DCDC2: variants seen among roughly 807,000 people sequenced by gnomAD.
DCDC2 encodes doublecortin domain-containing protein 2.
A neutral mutation model predicts 50.2 loss-of-function variants in DCDC2; 40 were observed. The ratio of observed to expected loss-of-function variants is 0.80; its 90% confidence interval spans 0.62 to 1.04. The LOEUF (loss-of-function observed/expected upper bound fraction) is 1.04, where lower values mean the gene tolerates loss of function less well. DCDC2 is among the 50% of genes least tolerant of loss of function. The pLI, the probability that DCDC2 is intolerant of heterozygous loss-of-function variation, is 0.00. For missense variants in DCDC2, 570 were observed against 581.9 expected (o/e 0.98, Z 0.21); for synonymous variants, 234 against 210.6 (o/e 1.11, Z -0.96).
chr6:24,208,750 GC>G (rs923948439), intron 7 of DCDC2, among the ~76,000 whole-genome samples: 46 of 152,170 alleles, frequency 3.0e-4, no homozygotes, highest in African/African-American at 1.1e-3. Context: ...TACCAATTCT[GC>G]CCCCTTCCCT....
chr6:24,248,932 A>G (rs1762742217), intron 7 of DCDC2, among the ~76,000 whole-genome samples: 1 of 152,158 alleles, frequency 6.6e-6, no homozygotes, highest in Admixed American at 6.5e-5. Flanking sequence ...CATAACTACC[A>G]ATTACCAATG....
chr6:24,189,297 A>C (rs1222531097), intron 8 of DCDC2, among the ~76,000 whole-genome samples: 1 of 152,196 alleles, frequency 6.6e-6, no homozygotes, highest in Non-Finnish European at 1.5e-5. Flanking sequence ...GAGAATATGC[A>C]TGCAGTTACT....
chr6:24,222,152 C>A (rs1397215623), intron 7 of DCDC2, among the ~76,000 whole-genome samples: 3 of 152,014 alleles, frequency 2.0e-5, no homozygotes, highest in African/African-American at 7.2e-5. Context: ...AACTGTAGGG[C>A]AGTGTACAAA....
intron 9 of DCDC2, among the ~76,000 whole-genome samples, chr6:24,175,553 C>T (rs535458846): frequency 6.6e-6 from 1 of 152,302 alleles, no homozygotes; most frequent in African/African-American, 2.4e-5. Context: ...CAGGCCATGA[C>T]TGATGCTTTG....
intron 7 of DCDC2, among the ~76,000 whole-genome samples, chr6:24,273,446 G>A (rs1763283174): frequency 6.6e-6 from 1 of 152,142 alleles, no homozygotes; most frequent in Non-Finnish European, 1.5e-5. Flanking sequence ...AAGAAAAAAA[G>A]AAAACCTGTA....
chr6:24,302,015 G>C lies in DCDC2; in HGVS notation c.378C>G (p.Asn126Lys), dbSNP rs1382576882. The change falls in exon 3 of 10, where the codon AAC (asparagine) becomes AAG (lysine). Residue 126 changes from asparagine to lysine, a missense_variant. Transcript: ENST00000378454. Reference protein sequence around the residue: ...EVKPVIHSRINVSARFRKPLQ... With the variant: ...EVKPVIHSRIKVSARFRKPLQ... ...GCGGTTTTCTAAAGCGAGCTGACAC[G>C]TTGATCCTGCTATGGATTACTGGTT... The C allele has an allele frequency of 1.9e-6, 3 of 1,613,894 alleles. No individual in the cohort carries two copies. The highest frequency in any genetic ancestry group is 2.5e-6 in the Non-Finnish European group (3 of 1,179,972).
intron 2 of DCDC2, among the ~76,000 whole-genome samples, chr6:24,332,575 G>A (rs1255517520): frequency 2.0e-5 from 3 of 152,154 alleles, no homozygotes; most frequent in African/African-American, 7.2e-5. Context: ...CACCCTCCCT[G>A]AATTCCTGAC....
At chr6:24,359,427 AT>A (rs1278249083), upstream of DCDC2, among the ~76,000 whole-genome samples, 1 of 52,106 alleles carries the variant, frequency 1.9e-5, no homozygotes, top group Non-Finnish European at 3.1e-5. Flanking sequence ...TATTATATAT[AT>A]TTATATATAC....
At chr6:24,237,621 T>C (rs549629897) in intron 7 of DCDC2, among the ~76,000 whole-genome samples, 1 of 152,342 alleles carries the variant, frequency 6.6e-6, no homozygotes, top group African/African-American at 2.4e-5. Context: ...TATGTACTTG[T>C]ATGTTCATTG....
At chr6:24,282,359 C>T (rs766781502) in intron 6 of DCDC2, among the ~76,000 whole-genome samples, 8 of 152,098 alleles carry the variant, frequency 5.3e-5, no homozygotes, top group African/African-American at 9.7e-5. Flanking sequence ...TCTCTTGCCT[C>T]AGCCTCCTGA....
At chr6:24,262,860 TG>T (rs1472272221) in intron 7 of DCDC2, among the ~76,000 whole-genome samples, 1 of 152,224 alleles carries the variant, frequency 6.6e-6, no homozygotes, top group Non-Finnish European at 1.5e-5. Flanking sequence ...GAACAGCCCC[TG>T]GGCCTTGGGT....
chr6:24,209,949 T>G (rs1761821748), intron 7 of DCDC2, among the ~76,000 whole-genome samples: 1 of 152,146 alleles, frequency 6.6e-6, no homozygotes, highest in African/African-American at 2.4e-5. Context: ...AAATTATCAA[T>G]GACCATCATT....
intron 2 of DCDC2, among the ~76,000 whole-genome samples, chr6:24,315,106 C>T (rs1470341849): frequency 6.6e-6 from 1 of 151,618 alleles, no homozygotes; most frequent in African/African-American, 2.4e-5. Flanking sequence ...TAGTGGAATA[C>T]ACTTTGATTT....
chr6:24,270,587 T>C (rs565907251), intron 7 of DCDC2, among the ~76,000 whole-genome samples: 2 of 152,310 alleles, frequency 1.3e-5, no homozygotes, highest in East Asian at 3.9e-4. Flanking sequence ...CTGCTGATAT[T>C]CTAAAGGACC....
chr6:24,316,735 TA>T (rs1759675005), intron 2 of DCDC2, among the ~76,000 whole-genome samples: 1 of 152,030 alleles, frequency 6.6e-6, no homozygotes, highest in Admixed American at 6.6e-5. Context: ...ATAAAATAAT[TA>T]AGATGTGGAA....
intron 7 of DCDC2, among the ~76,000 whole-genome samples, chr6:24,261,997 G>A (rs1432201085): frequency 2.0e-5 from 3 of 151,980 alleles, no homozygotes; most frequent in Non-Finnish European, 4.4e-5. Context: ...CTATCCACAC[G>A]AGAAAGCCCC....
intron 8 of DCDC2, among the ~76,000 whole-genome samples, chr6:24,186,397 C>T (rs1761204094): frequency 6.6e-6 from 1 of 152,190 alleles, no homozygotes; most frequent in African/African-American, 2.4e-5. Flanking sequence ...GAGCCAGAGA[C>T]ATAAAGCAAG....
At chr6:24,224,506 G>C (rs12528421) in intron 7 of DCDC2, among the ~76,000 whole-genome samples, 4 of 152,176 alleles carry the variant, frequency 2.6e-5, no homozygotes, top group Admixed American at 2.6e-4. Context: ...CTTGGTGAGC[G>C]TGTGTGTGCA....
upstream of DCDC2, among the ~76,000 whole-genome samples, chr6:24,359,576 T>A (rs1760625064): frequency 8.3e-6 from 1 of 121,204 alleles, no homozygotes; most frequent in South Asian, 2.2e-4. Flanking sequence ...ATATATATAT[T>A]TTATATATAT....
Sources: allele counts gnomAD v4.1 joint callset (sites outside exome capture counted in the v4.1 genomes callset), GRCh38; gene constraint gnomAD v4.1.1; transcripts MANE v1.5; gene names NCBI Gene and HGNC (gene_info 2026-07-23, HGNC 2026-07-21).